CSMD1: variants seen among roughly 807,000 people sequenced by gnomAD.
CSMD1 encodes the protein CUB and Sushi multiple domains 1, also known as CUB and sushi domain-containing protein 1.
In CSMD1, 213 loss-of-function variants were observed where a neutral mutation model predicts 417.5. The ratio of observed to expected loss-of-function variants is 0.51; its 90% CI spans 0.46 to 0.57. The LOEUF (loss-of-function observed/expected upper bound fraction) is 0.57. Ranked by LOEUF, CSMD1 falls within the 20% of genes least tolerant of loss-of-function variation. CSMD1 has a pLI of 0.00. For missense variants in CSMD1, 6,923 were observed against 4,529.7 expected (o/e 1.53, Z -15.17); for synonymous variants, 2,862 against 1,736.8 (o/e 1.65, Z -16.11).
chr8:3,580,215 G>T (rs762782020), intron 9 of CSMD1, among the ~76,000 whole-genome samples: 1 of 152,198 alleles, frequency 6.6e-6, no homozygotes, highest in Non-Finnish European at 1.5e-5. Context: ...CTTGCCTTCA[G>T]CAGGAAACTA....
intron 2 of CSMD1, among the ~76,000 whole-genome samples, chr8:4,460,502 A>G (rs1404028349): frequency 6.6e-6 from 1 of 152,186 alleles, no homozygotes; most frequent in Non-Finnish European, 1.5e-5. Flanking sequence ...TACAATAGAA[A>G]AAAATGAACG....
At chr8:3,498,587 A>G (rs893841496) in intron 10 of CSMD1, among the ~76,000 whole-genome samples, 1 of 152,156 alleles carries the variant, frequency 6.6e-6, no homozygotes, top group African/African-American at 2.4e-5. Flanking sequence ...TATTATATAG[A>G]TATCCTACAC....
At chr8:3,837,998 T>C (rs1170966148) in intron 5 of CSMD1, among the ~76,000 whole-genome samples, 1 of 152,158 alleles carries the variant, frequency 6.6e-6, no homozygotes, top group Non-Finnish European at 1.5e-5. Flanking sequence ...CTTGGACTTC[T>C]GATGCCCTCC....
chr8:4,117,960 A>AAT (rs1802255552), intron 3 of CSMD1, among the ~76,000 whole-genome samples: 1 of 151,858 alleles, frequency 6.6e-6, no homozygotes, highest in Non-Finnish European at 1.5e-5. Context: ...GGAAAAAAAA[A>AAT]AAAAGCAGTG....
At chr8:4,077,522 C>T (rs923026824) in intron 3 of CSMD1, among the ~76,000 whole-genome samples, 7 of 151,872 alleles carry the variant, frequency 4.6e-5, no homozygotes, top group African/African-American at 1.7e-4. Context: ...TTTTTACCAT[C>T]ACACTGAAGT....
At chr8:4,524,555 T>G (rs1392241000) in intron 2 of CSMD1, among the ~76,000 whole-genome samples, 7 of 148,150 alleles carry the variant, frequency 4.7e-5, no homozygotes, top group African/African-American at 1.7e-4. Context: ...TGACCATTTT[T>G]CATCACACTT....
chr8:3,289,449 A>G (rs1226990799), intron 25 of CSMD1, among the ~76,000 whole-genome samples: 2 of 147,460 alleles, frequency 1.4e-5, no homozygotes, highest in East Asian at 2.0e-4. Context: ...CCAACAGTGT[A>G]AAAGTGTTCC....
chr8:4,131,803 C>T (rs566832957), intron 3 of CSMD1, among the ~76,000 whole-genome samples: 2 of 127,412 alleles, frequency 1.6e-5, no homozygotes, highest in African/African-American at 3.0e-5. Flanking sequence ...CGCTCTGTCA[C>T]CCAGGCTGGA....
chr8:3,120,075 CT>C (rs1451109902), intron 41 of CSMD1, among the ~76,000 whole-genome samples: 1 of 152,026 alleles, frequency 6.6e-6, no homozygotes, highest in Non-Finnish European at 1.5e-5. Context: ...TAAACAAATG[CT>C]GGAAAAGGAA....
At chr8:4,831,336 T>C (rs1370036485) in intron 1 of CSMD1, among the ~76,000 whole-genome samples, 1 of 152,172 alleles carries the variant, frequency 6.6e-6, no homozygotes, top group African/African-American at 2.4e-5. Context: ...CAGCAATTAC[T>C]GCAATACCTT....
chr8:4,407,176 G>A (rs1035224031), intron 3 of CSMD1, among the ~76,000 whole-genome samples: 1 of 152,166 alleles, frequency 6.6e-6, no homozygotes, highest in African/African-American at 2.4e-5. Context: ...CTTTACCAAA[G>A]AAGTTTGCCA....
At position 3,772,082 on chromosome 8, in the gene CSMD1, CG is replaced by C. The variant is rs554170654; in HGVS notation, c.819-18041del. Among the ~76,000 whole-genome samples the C allele has an allele frequency of 4.0e-5, 6 of 150,704 alleles. No individual in the cohort carries two copies. The East Asian group carries it at 9.8e-4, about 25-fold the overall frequency. On this transcript the variant is annotated intron_variant, in intron 5 of 69. Coordinates refer to ENST00000635120, the MANE Select transcript of CSMD1 (RefSeq NM_033225.6). ...TCTGCCATTATGCTACCAATCCAGG[CG>C]GTTGATATTAGGGTGATTTTGTGTG...
chr8:3,214,720 G>A (rs2116819205), intron 29 of CSMD1, 29 bp from the exon 30 acceptor site: 1 of 1,503,482 alleles, frequency 6.7e-7, no homozygotes, highest in African/African-American at 1.4e-5. Flanking sequence ...TAAACTGCAT[G>A]AGAGCAGGGA....
chr8:3,616,297 G>A (rs565685502), intron 8 of CSMD1, among the ~76,000 whole-genome samples: 1 of 152,060 alleles, frequency 6.6e-6, no homozygotes, highest in African/African-American at 2.4e-5. Flanking sequence ...GTTCTCATGA[G>A]ATCTGATGGT....
intron 3 of CSMD1, among the ~76,000 whole-genome samples, chr8:4,210,690 C>T (rs769269388): frequency 6.6e-6 from 1 of 152,136 alleles, no homozygotes; most frequent in Non-Finnish European, 1.5e-5. Flanking sequence ...TTTTCCACTT[C>T]ATTTTGCTCA....
At chr8:4,581,629 T>C (rs987831895) in intron 2 of CSMD1, among the ~76,000 whole-genome samples, 7 of 152,180 alleles carry the variant, frequency 4.6e-5, no homozygotes, top group African/African-American at 1.4e-4. Flanking sequence ...TTCCTCAGTG[T>C]TAAAAGAAAG....
At chr8:2,973,349 T>G in intron 56 of CSMD1, 50 bp from the exon 57 acceptor site, 1 of 1,558,650 alleles carries the variant, frequency 6.4e-7, no homozygotes, top group Non-Finnish European at 8.8e-7. Context: ...TAGACTTGTT[T>G]TAAGCAGAGT....
At chr8:4,895,650 G>C (rs1045147089) in intron 1 of CSMD1, among the ~76,000 whole-genome samples, 1 of 151,676 alleles carries the variant, frequency 6.6e-6, no homozygotes, top group Non-Finnish European at 1.5e-5. Context: ...TTGGTCTGAT[G>C]AGGCTCCTTT....
intron 25 of CSMD1, among the ~76,000 whole-genome samples, chr8:3,298,700 C>T (rs150613662): frequency 0.02 from 3,018 of 152,250 alleles, 41 homozygotes; most frequent in East Asian, 0.032. Flanking sequence ...GTAATCTGCC[C>T]GCCTCAGCCT....
Sources: gnomAD v4.1 joint callset for allele counts (sites outside exome capture counted in the v4.1 genomes callset) on GRCh38, gnomAD v4.1.1 for gene constraint, MANE v1.5 for transcripts, NCBI Gene and HGNC (gene_info 2026-07-23, HGNC 2026-07-21) for gene names.